RGS3: variants seen among roughly 807,000 people sequenced by gnomAD.
RGS3 encodes regulator of G-protein signalling 3.
RGS3 carries 80 observed loss-of-function variants against 132.6 expected under a neutral mutation model. The ratio of observed to expected loss-of-function variants is 0.60; its 90% CI spans 0.50 to 0.73. The LOEUF (loss-of-function observed/expected upper bound fraction) is 0.73. Ranked by LOEUF, RGS3 falls within the 30% of genes least tolerant of loss-of-function variation. The pLI, the probability that RGS3 is intolerant of heterozygous loss-of-function variation, is 0.00. For missense variants in RGS3, 1,382 were observed against 1,530.8 expected, an observed-to-expected ratio of 0.90 and a Z score of 1.62; for synonymous variants, 598 against 620.6, an observed-to-expected ratio of 0.96 and a Z score of 0.54.
chr9:113,597,094 G>A (rs1437870365), exon 25 of RGS3: 6 of 715,312 alleles, frequency 8.4e-6, no homozygotes, highest in East Asian at 2.8e-5. Flanking sequence ...ATACGGAAGC[G>A]AGGCCTGGAC....
At chr9:113,497,072 T>C (rs1044770035) in intron 8 of RGS3, among the ~76,000 whole-genome samples, 6 of 152,094 alleles carry the variant, frequency 3.9e-5, no homozygotes, top group Non-Finnish European at 7.4e-5. Flanking sequence ...GGCAAGTAGA[T>C]GGTTGTCCTC....
chr9:113,447,329 G>GTATATATATATATATATATA (rs60991619), intron 1 of RGS3, among the ~76,000 whole-genome samples: 632 of 27,336 alleles, frequency 0.023, 117 homozygotes, highest in Middle Eastern at 0.087. Flanking sequence ...GTATGTATAT[G>GTATATATATATATATATATA]TATATATATA....
chr9:113,543,551 G>A (rs1213182054), intron 19 of RGS3, among the ~76,000 whole-genome samples: 1 of 152,190 alleles, frequency 6.6e-6, no homozygotes, highest in East Asian at 1.9e-4. Flanking sequence ...TGAGCAGCTG[G>A]GTCTGCACAG....
In RGS3 at chr9:113,453,268, A is replaced by G. The variant is rs1454271290; in HGVS notation, c.-12-6977A>G. Reference sequence around the variant, plus strand: ...CATAATATACTCATTATATGATTACATAATATACTCATTATATGATTACAT... The same window carrying G: ...CATAATATACTCATTATATGATTACGTAATATACTCATTATATGATTACAT... On this transcript the variant is annotated intron_variant, in intron 1 of 25. Transcript: ENST00000374140. 4.0e-5 allele frequency among the ~76,000 whole-genome samples: 3 copies of G among 74,540 alleles called. No individual in the cohort carries two copies. In the East Asian group the frequency reaches 1.1e-3, roughly 27 times the overall value. 48.9% of individuals were successfully genotyped at this position (74,540 alleles called of 152,430 possible).
chr9:113,595,180 C>T (rs763919538), intron 23 of RGS3, 200 bp downstream of exon 21: 16 of 605,136 alleles, frequency 2.6e-5, no homozygotes, highest in Non-Finnish European at 3.8e-5. Context: ...AGCCCCTCCC[C>T]GTCCATGTGA....
upstream of RGS3, among the ~76,000 whole-genome samples, chr9:113,459,190 T>G (rs1006690277): frequency 6.6e-6 from 1 of 152,378 alleles, no homozygotes; most frequent in South Asian, 2.1e-4. Flanking sequence ...TCTTTGTTTT[T>G]TCCTATGTTC....
intron 17 of RGS3, among the ~76,000 whole-genome samples, chr9:113,528,532 G>A (rs1165675118): frequency 6.6e-6 from 1 of 152,228 alleles, no homozygotes; most frequent in East Asian, 1.9e-4. Context: ...GAAGCGCTCT[G>A]AGCAATCACC....
intron 19 of RGS3, among the ~76,000 whole-genome samples, chr9:113,574,067 C>T (rs1382200440): frequency 6.6e-6 from 1 of 152,066 alleles, no homozygotes; most frequent in Non-Finnish European, 1.5e-5. Context: ...GGAAGTAGAG[C>T]CTAAAGTATA....
chr9:113,495,236 G>A (rs1208163030), intron 7 of RGS3, among the ~76,000 whole-genome samples: 5 of 152,108 alleles, frequency 3.3e-5, no homozygotes, highest in Admixed American at 1.3e-4. Flanking sequence ...ACATCCCCAT[G>A]AGGCCTGACC....
intron 23 of RGS3, 175 bp downstream of exon 21, chr9:113,595,155 G>A (rs1284586790): frequency 4.7e-6 from 3 of 639,654 alleles, no homozygotes; most frequent in South Asian, 3.8e-5. Flanking sequence ...TCTGGCCTTG[G>A]AGCCAGCTTC....
At chr9:113,578,648 A>G (rs1834645301) in intron 19 of RGS3, among the ~76,000 whole-genome samples, 1 of 152,150 alleles carries the variant, frequency 6.6e-6, no homozygotes, top group Admixed American at 6.5e-5. Context: ...ACGCTGAGCC[A>G]GGAGAGCTAA....
At chr9:113,462,729 C>T (rs1358328111) in intron 3 of RGS3, among the ~76,000 whole-genome samples, 1 of 152,208 alleles carries the variant, frequency 6.6e-6, no homozygotes, top group African/African-American at 2.4e-5. Flanking sequence ...CAGCCTCTGG[C>T]ATCTGGTACT....
Position 113,463,882 on chromosome 9 carries a change from G to T in RGS3, c.415+1681G>T, listed in dbSNP as rs1211839251. The T allele has an allele frequency of 1.2e-6, 2 of 1,612,814 alleles. No homozygotes were observed. Among genetic ancestry groups the T allele is most frequent in the Non-Finnish European group, 1.7e-6 (2 of 1,179,716 alleles). On this transcript the variant is annotated intron_variant, in intron 3 of 24. Transcript: ENST00000350696. This position sits in a 1 kb window ranked among gnomAD's most constrained non-coding sequence, Gnocchi z 4.6. ...TTGTCCTTCTACCTCACCACCTTTG[G>T]TAAGTGCCCGCTGGGGCTGGCGGCA...
intron 15 of RGS3, 71 bp from the exon 14 acceptor site, chr9:113,517,467 AGCT>A: frequency 4.8e-6 from 6 of 1,246,186 alleles, no homozygotes; most frequent in Non-Finnish European, 7.1e-6. Context: ...GGCTTTGACA[AGCT>A]GCTGCTTCCT....
intron 18 of RGS3, among the ~76,000 whole-genome samples, chr9:113,535,942 G>A (rs1832659502): frequency 6.6e-6 from 1 of 152,134 alleles, no homozygotes; most frequent in South Asian, 2.1e-4. Flanking sequence ...GGTCCTTGAA[G>A]CTCCCTGGTG....
chr9:113,463,735 C>G lies in RGS3; in HGVS notation c.415+1534C>G, dbSNP rs953030086. The G allele has an allele frequency of 6.6e-7, 1 of 1,522,088 alleles. No homozygotes were observed. The highest frequency in any genetic ancestry group is 8.8e-7 in the Non-Finnish European group (1 of 1,135,848). The allele number at this position is 1,522,088 out of a possible 1,614,324, so 94.3% of individuals were successfully genotyped here. On this transcript the variant is annotated intron_variant, in intron 3 of 24. Transcript: ENST00000350696. The surrounding 1 kb of genome is among the most constrained non-coding windows in gnomAD (Gnocchi z 4.6). ...CGCGCTCCTCCCGCCCTGGAGACTC[C>G]GGTTACTGGGGAGCAACACAGCCGC...
At chr9:113,517,059 T>C (rs1021031820) in intron 15 of RGS3, among the ~76,000 whole-genome samples, 1 of 152,178 alleles carries the variant, frequency 6.6e-6, no homozygotes, top group Non-Finnish European at 1.5e-5. Context: ...AAGGAGACAG[T>C]TCAAGTGTGC....
In RGS3 at chr9:113,595,889, C is replaced by T. The variant is rs1049031934; in HGVS notation, c.3411+124C>T. 8 of 1,043,968 alleles carry T rather than the reference C, an allele frequency of 7.7e-6. 1 individual carries two copies. In the South Asian group the frequency reaches 7.8e-5, roughly 10 times the overall value. 64.7% of individuals were successfully genotyped at this position (1,043,968 alleles called of 1,614,324 possible). On this transcript the variant is annotated intron_variant, in intron 24 of 24. Transcript: ENST00000350696. Reference sequence around the variant, plus strand: ...CAGAATGACTCCATGAGCCCAGGTACCCAGCAGGGAAGATGCAAGCTAGGA... The same window carrying T: ...CAGAATGACTCCATGAGCCCAGGTATCCAGCAGGGAAGATGCAAGCTAGGA...
At chr9:113,479,540 C>T in exon 4 of RGS3, 1 of 1,614,192 alleles carries the variant, frequency 6.2e-7, no homozygotes, top group Non-Finnish European at 8.5e-7. Context: ...TGCTGCTTCA[C>T]AGTGAGTACG....
Sources: gnomAD v4.1 joint callset for allele counts (sites outside exome capture counted in the v4.1 genomes callset) on GRCh38, gnomAD v4.1.1 for gene constraint, Gnocchi (gnomAD v3.1) non-coding constraint, MANE v1.5 for transcripts, NCBI Gene and HGNC (gene_info 2026-07-23, HGNC 2026-07-21) for gene names.